The following MAML2 variants were observed in gnomAD, a reference collection of about 807,000 sequenced individuals.
MAML2 encodes mastermind-like protein 2.
MAML2 carries 22 observed loss-of-function variants against 96.1 expected under a neutral mutation model. That is an observed-to-expected ratio of 0.23 (90% confidence interval 0.16 to 0.33). MAML2 has a LOEUF of 0.33. Ranked by LOEUF, MAML2 falls within the 10% of genes least tolerant of loss-of-function variation. The pLI is 1.00. For missense variants in MAML2, 1,367 were observed against 1,392.4 expected, an observed-to-expected ratio of 0.98 and a Z score of 0.29; for synonymous variants, 561 against 521.3, an observed-to-expected ratio of 1.08 and a Z score of -1.04.
intron 1 of MAML2, among the ~76,000 whole-genome samples, chr11:96,141,574 G>A (rs1348637202): frequency 1.3e-5 from 2 of 152,086 alleles, no homozygotes; most frequent in Non-Finnish European, 1.5e-5. Context: ...TCATCCTCAG[G>A]GATGAGAGCC....
intron 2 of MAML2, among the ~76,000 whole-genome samples, chr11:96,072,652 G>T (rs189329007): frequency 6.6e-6 from 1 of 152,156 alleles, no homozygotes; most frequent in African/African-American, 2.4e-5. Context: ...ACTTGAAAGA[G>T]CTCGCTGTCA....
chr11:96,288,674 C>A (rs1432899729), intron 1 of MAML2, among the ~76,000 whole-genome samples: 1 of 152,060 alleles, frequency 6.6e-6, no homozygotes, highest in Non-Finnish European at 1.5e-5. Flanking sequence ...TCTGACTCTT[C>A]ATTAGCCTCC....
At chr11:96,129,755 T>C (rs926370918) in intron 1 of MAML2, among the ~76,000 whole-genome samples, 4 of 152,138 alleles carry the variant, frequency 2.6e-5, no homozygotes, top group African/African-American at 7.2e-5. Flanking sequence ...CAACAGGAAG[T>C]TTTTCAGCCC....
chr11:95,985,419 G>T lies in MAML2; in HGVS notation c.2455+112C>A, dbSNP rs1591077262. 6.2e-6 allele frequency: 4 copies of T among 640,084 alleles called. No individual in the cohort carries two copies. In the East Asian group the frequency reaches 8.6e-5, roughly 14 times the overall value. 39.7% of individuals were successfully genotyped at this position (640,084 alleles called of 1,614,324 possible). On this transcript the variant is annotated intron_variant, in intron 4 of 4. Transcript: ENST00000524717. ...TGGCATGAAAGTCAAATGGGAGTTA[G>T]AAATTCTAAGAAAGATATTATAATC...
intron 1 of MAML2, among the ~76,000 whole-genome samples, chr11:96,238,130 A>G (rs548946149): frequency 4.6e-5 from 7 of 152,252 alleles, no homozygotes; most frequent in Non-Finnish European, 8.8e-5. Flanking sequence ...AGGACAAGCA[A>G]TTAGTACAGA....
In MAML2 at chr11:96,034,183, A is replaced by G. The variant is rs11021395; in HGVS notation, c.2140-42460T>C. 5.3e-5 allele frequency among the ~76,000 whole-genome samples: 8 copies of G among 152,314 alleles called. No individual in the cohort carries two copies. In the East Asian group the frequency reaches 1.2e-3, roughly 22 times the overall value. On this transcript the variant is annotated intron_variant, in intron 2 of 4. Transcript: ENST00000524717. ...TGTAATAATTATGGTTAAATAGTTC[A>G]ACATCTAAAACATTGTAGTACTTTA...
intron 1 of MAML2, among the ~76,000 whole-genome samples, chr11:96,203,709 T>C (rs1591070756): frequency 6.6e-6 from 1 of 152,164 alleles, no homozygotes; most frequent in East Asian, 1.9e-4. Flanking sequence ...ACATATATGG[T>C]GTAGAAACGG....
At chr11:96,026,582 C>A (rs1320517676) in intron 2 of MAML2, among the ~76,000 whole-genome samples, 1 of 152,084 alleles carries the variant, frequency 6.6e-6, no homozygotes, top group Non-Finnish European at 1.5e-5. Flanking sequence ...TGTAAATCTC[C>A]CCCTATTCTT....
intron 1 of MAML2, among the ~76,000 whole-genome samples, chr11:96,094,501 T>C (rs754624373): frequency 6.6e-6 from 1 of 152,236 alleles, no homozygotes; most frequent in Non-Finnish European, 1.5e-5. Context: ...GCTTACTACA[T>C]GCTGAAAGGG....
chr11:96,036,530 T>C (rs552257836), intron 2 of MAML2, among the ~76,000 whole-genome samples: 50 of 152,256 alleles, frequency 3.3e-4, no homozygotes, highest in African/African-American at 1.2e-3. Flanking sequence ...GCACTTGGTG[T>C]GAAAATAAGA....
At chr11:96,200,300 G>A (rs544635276) in intron 1 of MAML2, among the ~76,000 whole-genome samples, 8 of 152,344 alleles carry the variant, frequency 5.3e-5, no homozygotes, top group South Asian at 4.1e-4. Flanking sequence ...CCATGGCTGA[G>A]CTCTGCATGG....
chr11:96,041,817 C>CT (rs947379301), intron 2 of MAML2, among the ~76,000 whole-genome samples: 2 of 145,828 alleles, frequency 1.4e-5, no homozygotes, highest in East Asian at 2.0e-4. Context: ...TTTTTTCTTT[C>CT]TTTTTTTTGG....
At chr11:96,005,524 A>G (rs979678269) in intron 2 of MAML2, among the ~76,000 whole-genome samples, 13 of 152,258 alleles carry the variant, frequency 8.5e-5, no homozygotes, top group Non-Finnish European at 1.8e-4. Context: ...AGTCAAAAAT[A>G]CAAACTATCA....
chr11:95,991,769 A>G (rs201824017), intron 2 of MAML2, 46 bp from the exon 3 acceptor site: 1 of 1,462,716 alleles, frequency 6.8e-7, no homozygotes, highest in East Asian at 2.3e-5. Context: ...GAATTAAAAA[A>G]AGAAAAATGT....
At chr11:96,065,686 A>G (rs934532716) in intron 2 of MAML2, among the ~76,000 whole-genome samples, 4 of 152,212 alleles carry the variant, frequency 2.6e-5, no homozygotes, top group Admixed American at 2.6e-4. Flanking sequence ...TATAACAATC[A>G]TGTGTGGTGG....
intron 2 of MAML2, among the ~76,000 whole-genome samples, chr11:96,043,292 T>A (rs1162374292): frequency 6.6e-6 from 1 of 152,186 alleles, no homozygotes; most frequent in Non-Finnish European, 1.5e-5. Context: ...GAATCAGCAC[T>A]ATGACTAGAG....
chr11:96,234,289 C>T (rs181678474), intron 1 of MAML2, among the ~76,000 whole-genome samples: 2 of 152,200 alleles, frequency 1.3e-5, no homozygotes, highest in Admixed American at 1.3e-4. Context: ...CGAGACCAGC[C>T]TGACCAACGT....
chr11:96,093,029 T>G lies in MAML2; in HGVS notation c.1002A>C (p.Ile334=), dbSNP rs763143590. ...CAATGTTAAATGGGTCATCCTGCTT[T>G]ATGGTGGCATTGATCATGTTCTCCA... ...LELENMINAT[I]KQDDPFNIDL... The change falls in exon 2 of 5, where the codon ATA becomes ATC. Residue 334 remains isoleucine (I), a synonymous_variant. Transcript: ENST00000524717. 12 of 1,614,042 alleles carry G rather than the reference T, an allele frequency of 7.4e-6. No individual in the cohort carries two copies. The highest frequency in any genetic ancestry group is 1.0e-5 in the Non-Finnish European group (12 of 1,179,890).
intron 2 of MAML2, among the ~76,000 whole-genome samples, chr11:96,040,260 C>T (rs1463166758): frequency 6.6e-6 from 1 of 152,052 alleles, no homozygotes; most frequent in Admixed American, 6.5e-5. Flanking sequence ...AATTATAGTA[C>T]ATATTAGAAG....
Sources: allele counts gnomAD v4.1 joint callset (sites outside exome capture counted in the v4.1 genomes callset), GRCh38; gene constraint gnomAD v4.1.1; transcripts MANE v1.5; gene names NCBI Gene and HGNC (gene_info 2026-07-23, HGNC 2026-07-21).